SUMF1: variants seen among roughly 807,000 people sequenced by gnomAD.
The protein encoded by SUMF1 is sulfatase modifying factor 1.
A neutral mutation model predicts 47.6 loss-of-function variants in SUMF1; 48 were observed. The ratio of observed to expected loss-of-function variants is 1.01; its 90% CI spans 0.80 to 1.28. SUMF1 has a LOEUF of 1.28. Ranked by LOEUF, SUMF1 falls within the 50% of genes most tolerant of loss-of-function variation. The probability of loss-of-function intolerance (pLI) is 0.00; values close to 1 mark genes in which losing one functional copy is unlikely to be tolerated. For missense variants in SUMF1, 571 were observed against 485.4 expected, an observed-to-expected ratio of 1.18 and a Z score of -1.66; for synonymous variants, 230 against 192.1, an observed-to-expected ratio of 1.20 and a Z score of -1.63.
intron 8 of SUMF1, among the ~76,000 whole-genome samples, chr3:4,134,559 C>T (rs1264218341): frequency 2.6e-5 from 4 of 152,004 alleles, no homozygotes; most frequent in Non-Finnish European, 4.4e-5. Flanking sequence ...ATTAAAAGAA[C>T]TAGAGAAGCA....
At chr3:4,208,727 G>A (rs1278250917) in intron 8 of SUMF1, among the ~76,000 whole-genome samples, 2 of 151,710 alleles carry the variant, frequency 1.3e-5, no homozygotes, top group Non-Finnish European at 2.9e-5. Flanking sequence ...CGTGACTAAG[G>A]AAAAAAACCC....
At chr3:4,446,483 T>A (rs926763145) in intron 3 of SUMF1, among the ~76,000 whole-genome samples, 4 of 152,210 alleles carry the variant, frequency 2.6e-5, no homozygotes, top group Non-Finnish European at 5.9e-5. Context: ...ATCTTGGGCA[T>A]GTCTTTATTA....
At chr3:4,369,401 GC>G (rs1490040004) in intron 8 of SUMF1, among the ~76,000 whole-genome samples, 2 of 152,152 alleles carry the variant, frequency 1.3e-5, no homozygotes, top group Non-Finnish European at 2.9e-5. Flanking sequence ...CATAGCAAAA[GC>G]CTCATTCCAT....
At chr3:4,190,271 A>G (rs879505577) in intron 8 of SUMF1, among the ~76,000 whole-genome samples, 2 of 152,006 alleles carry the variant, frequency 1.3e-5, no homozygotes, top group African/African-American at 2.4e-5. Context: ...TGAAAACTAT[A>G]TTACATGGCT....
chr3:4,075,153 T>A (rs1465882515), intron 8 of SUMF1, among the ~76,000 whole-genome samples: 1 of 151,706 alleles, frequency 6.6e-6, no homozygotes, highest in East Asian at 1.9e-4. Context: ...CACCACCAAG[T>A]CGGCTTCATC....
chr3:4,121,311 T>G (rs1380183055), intron 8 of SUMF1, among the ~76,000 whole-genome samples: 3 of 152,178 alleles, frequency 2.0e-5, no homozygotes, highest in Non-Finnish European at 4.4e-5. Context: ...AAATAACTAA[T>G]AAATTATAGA....
At chr3:4,213,895 T>G (rs374070397) in intron 8 of SUMF1, among the ~76,000 whole-genome samples, 18 of 152,026 alleles carry the variant, frequency 1.2e-4, no homozygotes, top group African/African-American at 4.3e-4. Flanking sequence ...TACAGGAGGA[T>G]CCAGATTCAT....
chr3:4,281,629 TAGA>T (rs1378113378), intron 8 of SUMF1, among the ~76,000 whole-genome samples: 2 of 152,104 alleles, frequency 1.3e-5, no homozygotes, highest in Non-Finnish European at 2.9e-5. Context: ...AGAAAATAAT[TAGA>T]AGAAGTAACA....
intron 8 of SUMF1, among the ~76,000 whole-genome samples, chr3:4,363,235 T>C (rs6808388): frequency 0.66 from 100,374 of 151,500 alleles, 34,652 homozygotes; most frequent in African/African-American, 0.85. Flanking sequence ...TTTATGATAT[T>C]ATTTATTATC....
At chr3:4,128,533 C>T (rs549155412) in intron 8 of SUMF1, among the ~76,000 whole-genome samples, 10 of 152,220 alleles carry the variant, frequency 6.6e-5, no homozygotes, top group African/African-American at 2.4e-4. Flanking sequence ...CCTGAGGCAG[C>T]TGCCAGGCAA....
At chr3:4,358,959 GT>G (rs1408585836), downstream of SUMF1, among the ~76,000 whole-genome samples, 1 of 145,998 alleles carries the variant, frequency 6.8e-6, no homozygotes, top group Non-Finnish European at 1.5e-5. Flanking sequence ...TAGGCTACTG[GT>G]TTTGTTAGGA....
intron 8 of SUMF1, among the ~76,000 whole-genome samples, chr3:4,243,960 T>C (rs1234898387): frequency 2.0e-5 from 3 of 152,182 alleles, no homozygotes; most frequent in Non-Finnish European, 4.4e-5. Flanking sequence ...GGTGCATATA[T>C]ATTTAGGATA....
chr3:4,197,990 CAAT>C (rs1695464536), intron 8 of SUMF1, among the ~76,000 whole-genome samples: 1 of 146,166 alleles, frequency 6.8e-6, no homozygotes, highest in Non-Finnish European at 1.5e-5. Flanking sequence ...TCCCGAATAA[CAAT>C]GAGTTTAAGT....
At chr3:4,161,420 G>C (rs1319161090) in intron 8 of SUMF1, among the ~76,000 whole-genome samples, 1 of 152,166 alleles carries the variant, frequency 6.6e-6, no homozygotes, top group Non-Finnish European at 1.5e-5. Context: ...GGTGGGTCCA[G>C]AGATGCAGTC....
chr3:4,246,189 G>A (rs1054261676), intron 8 of SUMF1, among the ~76,000 whole-genome samples: 5 of 152,246 alleles, frequency 3.3e-5, no homozygotes, highest in Non-Finnish European at 5.9e-5. Context: ...GCTAGGAAAG[G>A]GAAATCCTCT....
At chr3:4,184,718 G>C (rs1303612386) in intron 8 of SUMF1, among the ~76,000 whole-genome samples, 1 of 147,422 alleles carries the variant, frequency 6.8e-6, no homozygotes, top group African/African-American at 2.5e-5. Flanking sequence ...GTGTGATCTC[G>C]GCTCACTGCA....
At chr3:4,264,643 G>T (rs1697152283) in intron 8 of SUMF1, among the ~76,000 whole-genome samples, 1 of 152,098 alleles carries the variant, frequency 6.6e-6, no homozygotes, top group Non-Finnish European at 1.5e-5. Flanking sequence ...CACCCATTTA[G>T]GTTTTCCATC....
intron 8 of SUMF1, among the ~76,000 whole-genome samples, chr3:4,154,123 G>A (rs2125107942): frequency 1.3e-5 from 2 of 151,704 alleles, no homozygotes; most frequent in Non-Finnish European, 2.9e-5. Flanking sequence ...AGGTTTCTCA[G>A]AGGAGGAGGT....
At chr3:4,257,800 C>T (rs530464669) in intron 8 of SUMF1, among the ~76,000 whole-genome samples, 1 of 152,022 alleles carries the variant, frequency 6.6e-6, no homozygotes, top group Non-Finnish European at 1.5e-5. Context: ...GCCCGTGTGG[C>T]CAAGTCAATC....
Sources: gnomAD v4.1 joint callset for allele counts (sites outside exome capture counted in the v4.1 genomes callset) on GRCh38, gnomAD v4.1.1 for gene constraint, MANE v1.5 for transcripts, NCBI Gene and HGNC (gene_info 2026-07-23, HGNC 2026-07-21) for gene names.